DYNC2I1: variants seen among roughly 807,000 people sequenced by gnomAD.
DYNC2I1 encodes the protein dynein 2 intermediate chain 1.
In DYNC2I1, 89 loss-of-function variants were observed where a neutral mutation model predicts 133.4. The ratio of observed to expected loss-of-function variants is 0.67; its 90% confidence interval spans 0.56 to 0.80. The LOEUF (loss-of-function observed/expected upper bound fraction) is 0.80. Ranked by LOEUF, DYNC2I1 falls within the 30% of genes least tolerant of loss-of-function variation. The probability of loss-of-function intolerance (pLI) is 0.00; values close to 1 mark genes in which losing one functional copy is unlikely to be tolerated. For synonymous variants in DYNC2I1, 504 were observed against 484.3 expected (o/e 1.04, Z -0.54); for missense variants, 1,291 against 1,314.5 (o/e 0.98, Z 0.28).
At chr7:158,889,579 T>C (rs1844983825) in intron 7 of DYNC2I1, among the ~76,000 whole-genome samples, 1 of 152,286 alleles carries the variant, frequency 6.6e-6, no homozygotes, top group South Asian at 2.1e-4. Flanking sequence ...TAACTAGAAT[T>C]ATAATGTGAG....
intron 1 of DYNC2I1, among the ~76,000 whole-genome samples, chr7:158,867,281 T>C (rs1301911538): frequency 2.0e-5 from 3 of 152,040 alleles, no homozygotes; most frequent in Admixed American, 6.5e-5. Flanking sequence ...AGGTTAAGCA[T>C]GAAGCTCTGT....
chr7:158,855,700 C>A (rs187472110), upstream of DYNC2I1, among the ~76,000 whole-genome samples: 15 of 152,296 alleles, frequency 9.8e-5, no homozygotes, highest in East Asian at 2.5e-3. Flanking sequence ...TAAGTTACAC[C>A]TCTTTTACTG....
At chr7:158,861,830 A>C (rs1841892577) in intron 1 of DYNC2I1, among the ~76,000 whole-genome samples, 1 of 152,184 alleles carries the variant, frequency 6.6e-6, no homozygotes, top group South Asian at 2.1e-4. Context: ...TGATCATCCT[A>C]GTTTTCTTCG....
rs189080869 is a variant in DYNC2I1, at chr7:158,935,485, C to T, written c.2778+936C>T. ...TCTCTCACTAGTGTTTACAAATTTC[C>T]GTGTACTTGAGATTGAGGGGAAAGA... On this transcript the variant is annotated intron_variant, in intron 23 of 24. Coordinates refer to ENST00000407559, the MANE Select transcript of DYNC2I1 (RefSeq NM_018051.5). Among the ~76,000 whole-genome samples, 73 of 152,292 alleles carry T rather than the reference C, an allele frequency of 4.8e-4. 2 individuals carry two copies. The East Asian group carries it at 9.4e-3, about 20-fold the overall frequency.
chr7:158,900,594 T>C (rs946824834), intron 8 of DYNC2I1, among the ~76,000 whole-genome samples: 2 of 152,210 alleles, frequency 1.3e-5, no homozygotes, highest in Admixed American at 1.3e-4. Flanking sequence ...CGTGGTTTGG[T>C]GTCTGACATC....
intron 4 of DYNC2I1, 124 bp downstream of exon 4, chr7:158,876,815 C>G: frequency 1.6e-6 from 2 of 1,260,608 alleles, no homozygotes; most frequent in Non-Finnish European, 2.1e-6. Context: ...CTGGAAAAGG[C>G]CTCCAGCACT....
At chr7:158,858,660 T>C (rs1336130373) in intron 1 of DYNC2I1, among the ~76,000 whole-genome samples, 1 of 152,166 alleles carries the variant, frequency 6.6e-6, no homozygotes, top group Non-Finnish European at 1.5e-5. Flanking sequence ...TATGTTCTCA[T>C]CAGGACAAAT....
chr7:158,840,913 A>T, the DYNC2I1 span, among the ~76,000 whole-genome samples: 4 of 152,256 alleles, frequency 2.6e-5, no homozygotes, highest in East Asian at 7.7e-4. Context: ...AGCAATGCCC[A>T]CGGAGGCCAC....
rs528772361 is a variant in DYNC2I1, at chr7:158,943,527, T to G, written c.3002+1379T>G. On this transcript the variant is annotated intron_variant, in intron 24 of 24. Coordinates refer to ENST00000407559, the MANE Select transcript of DYNC2I1 (RefSeq NM_018051.5). ...AGGATGGTCCTGTTGTGGGGACGTT[T>G]GGGCAGAAACCTAGGAGATGAGGTC... Among the ~76,000 whole-genome samples the G allele has an allele frequency of 3.9e-5, 6 of 152,156 alleles. No individual in the cohort carries two copies. The East Asian group carries it at 1.2e-3, about 29-fold the overall frequency.
Position 158,918,660 on chromosome 7 carries a change from A to T in DYNC2I1, c.1792-80A>T, listed in dbSNP as rs750291853. 3.4e-4 allele frequency: 521 copies of T among 1,543,040 alleles called. 1 individual carries two copies. The highest frequency in any genetic ancestry group is 7.6e-4 in the South Asian group (66 of 87,380). ...AAGCAGTTATTTGCAGATATGGATA[A>T]GATGAAAAGGTAATTTTTTTTTGGA... On this transcript the variant is annotated intron_variant, in intron 14 of 24. Coordinates refer to ENST00000407559, the MANE Select transcript of DYNC2I1 (RefSeq NM_018051.5).
intron 23 of DYNC2I1, among the ~76,000 whole-genome samples, chr7:158,935,257 C>T (rs1258635081): frequency 6.6e-6 from 1 of 152,248 alleles, no homozygotes; most frequent in Admixed American, 6.5e-5. Flanking sequence ...GAGCTGCTTG[C>T]TGTCTTCCCC....
In DYNC2I1 at chr7:158,934,237, T is replaced by C. The variant is rs929404130; in HGVS notation, c.2646+9T>C. The C allele has an allele frequency of 1.3e-6, 2 of 1,594,700 alleles. No individual in the cohort carries two copies. Among genetic ancestry groups the C allele is most frequent in the Admixed American group, 1.8e-5 (1 of 54,942 alleles). On this transcript the variant is annotated intron_variant, in intron 22 of 24. Coordinates refer to ENST00000407559, the MANE Select transcript of DYNC2I1 (RefSeq NM_018051.5). ...TTATTGGCACAGACATGGTGAGTAG[T>C]ATTTTAAATTTAATCCTATTACTCA... is the stretch of plus-strand genomic sequence containing the variant.
intron 14 of DYNC2I1, 86 bp downstream of exon 14, chr7:158,914,407 T>G (rs750642179): frequency 2.8e-6 from 3 of 1,072,576 alleles, no homozygotes; most frequent in Admixed American, 5.6e-5. Flanking sequence ...TTTAAGATCT[T>G]AAAGTCTTTG....
chr7:158,890,610 T>C (rs570957075), intron 7 of DYNC2I1, among the ~76,000 whole-genome samples: 177 of 152,196 alleles, frequency 1.2e-3, no homozygotes, highest in Non-Finnish European at 2.4e-3. Flanking sequence ...TTTTTTTTTT[T>C]CTTTGAGACT....
chr7:158,864,981 G>A (rs546228663), intron 1 of DYNC2I1, among the ~76,000 whole-genome samples: 1 of 152,364 alleles, frequency 6.6e-6, no homozygotes, highest in African/African-American at 2.4e-5. Context: ...GCTGGAGTCT[G>A]CCCAGCTGTC....
intron 1 of DYNC2I1, among the ~76,000 whole-genome samples, chr7:158,864,335 G>A (rs1422488436): frequency 6.6e-6 from 1 of 152,022 alleles, no homozygotes; most frequent in East Asian, 2.0e-4. Flanking sequence ...ACAGGGTTGG[G>A]CCGCGGTGTC....
the DYNC2I1 span, among the ~76,000 whole-genome samples, chr7:158,849,151 C>T: frequency 2.0e-4 from 31 of 152,280 alleles, no homozygotes; most frequent in Non-Finnish European, 3.8e-4. Context: ...TCCCTTTTTA[C>T]TAGAAAAGGT....
chr7:158,841,955 G>A, the DYNC2I1 span, among the ~76,000 whole-genome samples: 2 of 152,190 alleles, frequency 1.3e-5, no homozygotes, highest in East Asian at 1.9e-4. Context: ...CTCAGGATGC[G>A]GATCTTAAGA....
In DYNC2I1 at chr7:158,878,434, G is replaced by C. The variant is rs556137146; in HGVS notation, c.574-1250G>C. Among the ~76,000 whole-genome samples, 54 of 130,570 alleles carry C rather than the reference G, an allele frequency of 4.1e-4. 2 individuals are homozygous for C. Among genetic ancestry groups the C allele is most frequent in the African/African-American group, 1.5e-3 (49 of 33,606 alleles). 85.7% of individuals were successfully genotyped at this position (130,570 alleles called of 152,430 possible). ...GCCAGGAGGGCCGACTGTGAGTGCC[G>C]GGCGCCATGTGGGGTGGCCAGGAGG... On this transcript the variant is annotated intron_variant, in intron 4 of 24. Transcript: ENST00000407559.
Sources: gnomAD v4.1 joint callset for allele counts (sites outside exome capture counted in the v4.1 genomes callset) on GRCh38, gnomAD v4.1.1 for gene constraint, MANE v1.5 for transcripts, NCBI Gene and HGNC (gene_info 2026-07-23, HGNC 2026-07-21) for gene names.